TMTC2: variants seen among roughly 807,000 people sequenced by gnomAD.
TMTC2 encodes the protein protein O-mannosyl-transferase TMTC2.
A neutral mutation model predicts 82.4 loss-of-function variants in TMTC2; 43 were observed. That is an observed-to-expected ratio of 0.52 (90% CI 0.41 to 0.67). The LOEUF is 0.67. Among genes scored for constraint, TMTC2 ranks in the 30% least tolerant of loss-of-function variants. The pLI, the probability that TMTC2 is intolerant of heterozygous loss-of-function variation, is 0.00. For synonymous variants in TMTC2, 408 were observed against 381.9 expected (o/e 1.07, Z -0.80); for missense variants, 919 against 1,012.4 (o/e 0.91, Z 1.25).
intron 3 of TMTC2, among the ~76,000 whole-genome samples, chr12:82,924,807 G>C (rs2137233860): frequency 6.6e-6 from 1 of 152,282 alleles, no homozygotes; most frequent in East Asian, 1.9e-4. Flanking sequence ...CTTCTCTGCA[G>C]AGGAGTCAAG....
At chr12:82,980,583 A>T (rs1477495419) in intron 7 of TMTC2, among the ~76,000 whole-genome samples, 7 of 146,074 alleles carry the variant, frequency 4.8e-5, no homozygotes, top group African/African-American at 1.8e-4. Flanking sequence ...ACCATTTTGT[A>T]AGTGTCCCTG....
chr12:83,014,213 A>C (rs1263801443), intron 8 of TMTC2, among the ~76,000 whole-genome samples: 1 of 152,026 alleles, frequency 6.6e-6, no homozygotes, highest in Non-Finnish European at 1.5e-5. Context: ...CCCAGGCTGG[A>C]GTGTAGAGGC....
At chr12:83,116,621 G>C (rs938910472) in intron 11 of TMTC2, among the ~76,000 whole-genome samples, 1 of 152,092 alleles carries the variant, frequency 6.6e-6, no homozygotes, top group Non-Finnish European at 1.5e-5. Context: ...TTTTGACTAT[G>C]GCCATTCTTG....
chr12:83,050,132 T>C (rs1440655689), intron 9 of TMTC2, among the ~76,000 whole-genome samples: 1 of 152,216 alleles, frequency 6.6e-6, no homozygotes, highest in East Asian at 1.9e-4. Context: ...ATGGATGGCT[T>C]CAGCGTATGT....
At chr12:83,079,708 G>A (rs993393955) in intron 11 of TMTC2, among the ~76,000 whole-genome samples, 2 of 152,086 alleles carry the variant, frequency 1.3e-5, no homozygotes, top group African/African-American at 2.4e-5. Flanking sequence ...TTTGGAAAGT[G>A]TCAACATACA....
At chr12:82,745,475 A>G (rs1411743806) in intron 1 of TMTC2, among the ~76,000 whole-genome samples, 1 of 152,174 alleles carries the variant, frequency 6.6e-6, no homozygotes. Flanking sequence ...TTTGTTATCC[A>G]TGGGAGCCTG....
intron 1 of TMTC2, among the ~76,000 whole-genome samples, chr12:82,703,077 G>C (rs1314547867): frequency 6.6e-6 from 1 of 152,040 alleles, no homozygotes; most frequent in East Asian, 1.9e-4. Context: ...GGTGCCTGTA[G>C]TCCTGGCTAC....
intron 9 of TMTC2, among the ~76,000 whole-genome samples, chr12:83,033,703 A>G (rs957712996): frequency 6.6e-6 from 1 of 151,942 alleles, no homozygotes; most frequent in Non-Finnish European, 1.5e-5. Flanking sequence ...GTGAGCCAAG[A>G]TCGCACCACT....
In TMTC2 at chr12:82,748,008, G is replaced by A. The variant is rs151158204; in HGVS notation, c.83+60339G>A. Among the ~76,000 whole-genome samples the A allele has an allele frequency of 2.6e-3, 402 of 152,236 alleles. 3 individuals are homozygous for A. The highest frequency in any genetic ancestry group is 9.4e-3 in the African/African-American group (389 of 41,550). ...TTTTCTAAATTCAATCTAATTAACC[G>A]TAGTTTTTAAAAAAAGTTTAGGCCA... On this transcript the variant is annotated intron_variant, in intron 1 of 11. Coordinates refer to ENST00000321196, the MANE Select transcript of TMTC2 (RefSeq NM_152588.3).
At chr12:83,014,335 GT>G (rs1231850134) in intron 8 of TMTC2, among the ~76,000 whole-genome samples, 3 of 151,798 alleles carry the variant, frequency 2.0e-5, no homozygotes, top group Non-Finnish European at 2.9e-5. Flanking sequence ...GCTAATTTTT[GT>G]TTTTTGGTTT....
At position 82,965,720 on chromosome 12, in the gene TMTC2, G is replaced by A. The variant is rs1482063640; in HGVS notation, c.1845G>A (p.Leu615=). 3.1e-6 allele frequency: 5 copies of A among 1,613,820 alleles called. No homozygotes were observed. The East Asian group carries it at 8.9e-5, about 29-fold the overall frequency. Residue 615 remains leucine (L), a synonymous_variant, in exon 6 of 12, where the codon CTG becomes CTA. Transcript: ENST00000321196. ...VTSCLYNLGK[L]YHEQGHYEEA... ...GTTGTTTGTACAACCTAGGAAAGCT[G>A]TATCATGAGCAGGGACACTATGAGG...
At chr12:82,879,730 G>A (rs1334031004) in intron 2 of TMTC2, among the ~76,000 whole-genome samples, 2 of 152,104 alleles carry the variant, frequency 1.3e-5, no homozygotes, top group African/African-American at 2.4e-5. Flanking sequence ...TGTAAAACAC[G>A]AATTCACAAA....
At position 82,811,698 on chromosome 12, in the gene TMTC2, G is replaced by A. The variant is rs58873707; in HGVS notation, c.84-45312G>A. Among the ~76,000 whole-genome samples, 1,080 of 150,152 alleles carry A rather than the reference G, an allele frequency of 7.2e-3. 7 individuals are homozygous for A. Among genetic ancestry groups the A allele is most frequent in the African/African-American group, 0.025 (1,008 of 40,868 alleles). On this transcript the variant is annotated intron_variant, in intron 1 of 11. Coordinates refer to ENST00000321196, the MANE Select transcript of TMTC2 (RefSeq NM_152588.3). ...ATAAGTTTTTCTGAATGAATGAGCC[G>A]TTTATACTATGAAAAGTATTTTTTA...
intron 3 of TMTC2, among the ~76,000 whole-genome samples, chr12:82,920,616 C>A (rs1875332701): frequency 6.6e-6 from 1 of 152,014 alleles, no homozygotes; most frequent in African/African-American, 2.4e-5. Flanking sequence ...AAGAGTTATT[C>A]CTACTTCTTC....
chr12:83,108,057 T>G (rs1884476689), intron 11 of TMTC2, among the ~76,000 whole-genome samples: 1 of 152,144 alleles, frequency 6.6e-6, no homozygotes, highest in Admixed American at 6.5e-5. Flanking sequence ...CTGCTTCTCC[T>G]TCGCCTTCTT....
chr12:82,829,894 A>G (rs1869656555), intron 1 of TMTC2, among the ~76,000 whole-genome samples: 2 of 152,158 alleles, frequency 1.3e-5, no homozygotes, highest in South Asian at 4.1e-4. Context: ...GGGAGGTAAG[A>G]GCTCCTTAGC....
chr12:82,794,150 C>G (rs1400770352), intron 1 of TMTC2, among the ~76,000 whole-genome samples: 1 of 152,148 alleles, frequency 6.6e-6, no homozygotes, highest in Non-Finnish European at 1.5e-5. Flanking sequence ...CCCGGGACAG[C>G]CTGCTGGCCT....
intron 8 of TMTC2, among the ~76,000 whole-genome samples, chr12:83,012,199 G>A (rs1484762774): frequency 6.6e-6 from 1 of 152,054 alleles, no homozygotes; most frequent in Non-Finnish European, 1.5e-5. Flanking sequence ...ATGCTGAGAG[G>A]AGACCTTAAA....
At chr12:82,904,594 T>C (rs1874190559) in intron 3 of TMTC2, among the ~76,000 whole-genome samples, 1 of 152,236 alleles carries the variant, frequency 6.6e-6, no homozygotes, top group Non-Finnish European at 1.5e-5. Flanking sequence ...GATTTCACAA[T>C]GACTCTTTGC....
Sources: gnomAD v4.1 joint callset for allele counts (sites outside exome capture counted in the v4.1 genomes callset) on GRCh38, gnomAD v4.1.1 for gene constraint, MANE v1.5 for transcripts, NCBI Gene and HGNC (gene_info 2026-07-23, HGNC 2026-07-21) for gene names.